SLC67A2: variants seen among roughly 807,000 people sequenced by gnomAD.
The protein encoded by SLC67A2 is solute carrier family 67 member 2.
chr2:102,723,753 T>A, the SLC67A2 span: 2 of 1,614,082 alleles, frequency 1.2e-6, no homozygotes, highest in Non-Finnish European at 1.7e-6. Flanking sequence ...ATAAAACCCA[T>A]CCTCTAATTC....
chr2:102,720,845 G>C, the SLC67A2 span, among the ~76,000 whole-genome samples: 2 of 152,174 alleles, frequency 1.3e-5, no homozygotes, highest in African/African-American at 4.8e-5. Flanking sequence ...GAGTAAAAGC[G>C]TTGACGAAAA....
At chr2:102,718,835 A>T in the SLC67A2 span, 1 of 1,613,924 alleles carries the variant, frequency 6.2e-7, no homozygotes, top group Non-Finnish European at 8.5e-7. Flanking sequence ...CCCCAGGGCA[A>T]GGCCGGCCAC....
chr2:102,717,686 C>T, the SLC67A2 span: 1 of 151,960 alleles, frequency 6.6e-6, no homozygotes, highest in African/African-American at 2.4e-5. Context: ...TTTTAAGAGT[C>T]CAAATTTAGT....
At chr2:102,730,750 C>T in the SLC67A2 span, among the ~76,000 whole-genome samples, 18 of 152,024 alleles carry the variant, frequency 1.2e-4, no homozygotes, top group African/African-American at 3.6e-4. Context: ...GGGGTTTCAC[C>T]GTATTAGCCA....
At chr2:102,729,433 T>C in the SLC67A2 span, among the ~76,000 whole-genome samples, 2 of 152,190 alleles carry the variant, frequency 1.3e-5, no homozygotes, top group African/African-American at 4.8e-5. Flanking sequence ...TGTGACCTAA[T>C]AGCTCTAACA....
the SLC67A2 span, among the ~76,000 whole-genome samples, chr2:102,719,397 A>G: frequency 6.6e-6 from 1 of 152,114 alleles, no homozygotes; most frequent in Non-Finnish European, 1.5e-5. Context: ...GGATTCTGGC[A>G]AAAGACTCTT....
the SLC67A2 span, among the ~76,000 whole-genome samples, chr2:102,724,466 G>A: frequency 6.6e-6 from 1 of 152,148 alleles, no homozygotes. Flanking sequence ...CTGTGAATTT[G>A]TTGAACAAAT....
the SLC67A2 span, among the ~76,000 whole-genome samples, chr2:102,724,938 G>C: frequency 6.6e-6 from 1 of 152,228 alleles, no homozygotes; most frequent in South Asian, 2.1e-4. Context: ...AAATGTCAGA[G>C]AGGACTGGGC....
the SLC67A2 span, among the ~76,000 whole-genome samples, chr2:102,721,657 CTG>C: frequency 5.3e-4 from 79 of 148,754 alleles, no homozygotes; most frequent in Admixed American, 8.0e-4. Flanking sequence ...GCTCATAGTC[CTG>C]TGTGTGTGTG....
the SLC67A2 span, chr2:102,719,320 C>G: frequency 2.9e-6 from 3 of 1,044,470 alleles, no homozygotes; most frequent in Admixed American, 8.0e-5. Flanking sequence ...TATTTTGGTA[C>G]TAAATTTACT....
chr2:102,722,122 T>A, the SLC67A2 span, among the ~76,000 whole-genome samples: 1 of 152,230 alleles, frequency 6.6e-6, no homozygotes, highest in Non-Finnish European at 1.5e-5. Flanking sequence ...TAAAACAAAC[T>A]AATAACATAA....
the SLC67A2 span, among the ~76,000 whole-genome samples, chr2:102,731,776 G>C: frequency 6.6e-6 from 1 of 152,220 alleles, no homozygotes; most frequent in Admixed American, 6.5e-5. Flanking sequence ...AGTTAGCATA[G>C]TCCTAAGCCC....
chr2:102,722,344 C>T, the SLC67A2 span, among the ~76,000 whole-genome samples: 1 of 152,166 alleles, frequency 6.6e-6, no homozygotes, highest in Non-Finnish European at 1.5e-5. Flanking sequence ...CCAGCATGGC[C>T]AGAATGTATG....
the SLC67A2 span, among the ~76,000 whole-genome samples, chr2:102,726,601 G>GACACACACACATGCTCGCGCACGC: frequency 6.6e-6 from 1 of 151,796 alleles, no homozygotes; most frequent in Non-Finnish European, 1.5e-5. Context: ...TATAGACATA[G>GACACACACACATGCTCGCGCACGC]ACACACACAC....
At chr2:102,731,146 G>A in the SLC67A2 span, 1 of 1,191,548 alleles carries the variant, frequency 8.4e-7, no homozygotes, top group Non-Finnish European at 1.2e-6. Context: ...CAATTACACA[G>A]AAACCAACAG....
At chr2:102,727,004 C>T in the SLC67A2 span, 2 of 1,606,498 alleles carry the variant, frequency 1.2e-6, no homozygotes, top group Non-Finnish European at 8.5e-7. Flanking sequence ...GCCCTTGGAC[C>T]CCATTCACAG....
At chr2:102,720,081 A>G in the SLC67A2 span, among the ~76,000 whole-genome samples, 1 of 152,108 alleles carries the variant, frequency 6.6e-6, no homozygotes. Flanking sequence ...CTGAATTCAA[A>G]CTTGCCATTC....
the SLC67A2 span, chr2:102,736,849 G>T: frequency 1.2e-4 from 185 of 1,561,470 alleles, 4 homozygotes; most frequent in South Asian, 2.0e-3. Flanking sequence ...CAGCAGCCGC[G>T]GACCTACCCC....
At chr2:102,718,847 GC>G in the SLC67A2 span, 1 of 1,613,974 alleles carries the variant, frequency 6.2e-7, no homozygotes, top group Non-Finnish European at 8.5e-7. Flanking sequence ...GCCGGCCACG[GC>G]CCCCAGCATG....
Sources: allele counts gnomAD v4.1 joint callset (sites outside exome capture counted in the v4.1 genomes callset), GRCh38; gene constraint gnomAD v4.1.1; transcripts MANE v1.5; gene names NCBI Gene and HGNC (gene_info 2026-07-23, HGNC 2026-07-21).